The following BEND2 variants were observed in gnomAD, a reference collection of about 807,000 sequenced individuals.
BEND2 encodes BEN domain-containing protein 2.
A neutral mutation model predicts 43.8 loss-of-function variants in BEND2; 19 were observed. That is an observed-to-expected ratio of 0.43 (90% CI 0.30 to 0.64). The LOEUF (loss-of-function observed/expected upper bound fraction) is 0.64. Ranked by LOEUF, BEND2 falls within the 30% of genes least tolerant of loss-of-function variation. BEND2 has a pLI of 0.11. For missense variants in BEND2, 544 were observed against 574.0 expected (o/e 0.95, Z 0.53); for synonymous variants, 226 against 210.1 (o/e 1.08, Z -0.66).
chrX:18,197,814 G>A (rs1031304157), intron 6 of BEND2, among the ~76,000 whole-genome samples: 3 of 111,497 alleles, frequency 2.7e-5, no homozygotes, highest in Non-Finnish European at 5.6e-5. Flanking sequence ...CAGAATTCCC[G>A]CATGTTGTGG....
At chrX:18,186,856 A>G (rs1289843629) in intron 8 of BEND2, among the ~76,000 whole-genome samples, 1 of 108,991 alleles carries the variant, frequency 9.2e-6, no homozygotes, top group Non-Finnish European at 1.9e-5. Context: ...AGTCCAAGCT[A>G]CTTTGGAGGC....
At chrX:18,211,979 C>T (rs1283762836) in intron 4 of BEND2, among the ~76,000 whole-genome samples, 1 of 108,675 alleles carries the variant, frequency 9.2e-6, no homozygotes, top group Non-Finnish European at 1.9e-5. Flanking sequence ...CAAAACTCAT[C>T]TAGGATGGAA....
At chrX:18,178,405 G>A (rs1457322216) in intron 9 of BEND2, among the ~76,000 whole-genome samples, 1 of 110,935 alleles carries the variant, frequency 9.0e-6, no homozygotes, top group Non-Finnish European at 1.9e-5. Flanking sequence ...TATTTGAAAA[G>A]GTCACACTGC....
At chrX:18,200,195 A>G (rs1925095796) in intron 6 of BEND2, among the ~76,000 whole-genome samples, 1 of 111,876 alleles carries the variant, frequency 8.9e-6, no homozygotes, top group South Asian at 3.7e-4. Flanking sequence ...ACTATGAAAT[A>G]TAAATCAAAA....
At chrX:18,177,223 C>G (rs1356667172) in intron 10 of BEND2, among the ~76,000 whole-genome samples, 1 of 63,776 alleles carries the variant, frequency 1.6e-5, no homozygotes, top group African/African-American at 6.2e-5. Flanking sequence ...CCCCCCGCCC[C>G]CCACCCCACC....
Position 18,196,165 on chromosome X carries a change from G to C in BEND2, c.1034-723C>G, listed in dbSNP as rs375897888. On this transcript the variant is annotated intron_variant, in intron 6 of 13. Transcript: ENST00000380033. ...AATACAAAAATTTGCCGGGTGTGGT[G>C]GTGGGTGCCTGTAATCCCAGCTACT... Among the ~76,000 whole-genome samples, 51 of 109,536 alleles carry C rather than the reference G, an allele frequency of 4.7e-4. 1 individual carries two copies. The highest frequency in any genetic ancestry group is 8.4e-4 in the Non-Finnish European group (44 of 52,680).
At chrX:18,188,439 G>A (rs1271611674) in intron 8 of BEND2, among the ~76,000 whole-genome samples, 1 of 111,129 alleles carries the variant, frequency 9.0e-6, no homozygotes, top group East Asian at 2.8e-4. Flanking sequence ...AGATTAAAAA[G>A]GAGACATTAC....
intron 12 of BEND2, among the ~76,000 whole-genome samples, chrX:18,172,777 G>A (rs1367315063): frequency 9.0e-6 from 1 of 110,570 alleles, no homozygotes; most frequent in Non-Finnish European, 1.9e-5. Context: ...AAACCAAAAC[G>A]ACAACAACAG....
chrX:18,200,778 T>C (rs750858785), intron 6 of BEND2, among the ~76,000 whole-genome samples: 1 of 111,696 alleles, frequency 9.0e-6, no homozygotes, highest in Non-Finnish European at 1.9e-5. Context: ...TGAGGCATCA[T>C]TGCAGTGATA....
chrX:18,163,563 A>G lies in BEND2; in HGVS notation c.*1446T>C, dbSNP rs1315365616. 1 of 112,123 alleles carries G rather than the reference A, an allele frequency of 8.9e-6. No homozygotes were observed. Among genetic ancestry groups the G allele is most frequent in the Non-Finnish European group, 1.9e-5 (1 of 53,271 alleles). The allele number at this position is 112,123 out of a possible 1,213,427, so 9.2% of individuals were successfully genotyped here. On this transcript the variant is annotated 3_prime_UTR_variant, in exon 14 of 14. Coordinates refer to ENST00000380033, the MANE Select transcript of BEND2 (RefSeq NM_153346.5). ...GTTCTATCAGACAAGACTGCTCTAA[A>G]TAACTTCTAAAAACCACTAATGTAA...
intron 8 of BEND2, among the ~76,000 whole-genome samples, chrX:18,183,854 C>G (rs1289935877): frequency 4.5e-5 from 5 of 111,405 alleles, no homozygotes; most frequent in Non-Finnish European, 1.9e-5. Context: ...AATAGAGCAC[C>G]AGGTAGATTC....
chrX:18,212,575 T>G lies in BEND2; in HGVS notation c.482A>C (p.Tyr161Ser), dbSNP rs746240965. ...EVDFPKRGRF[Y>S]TPEVQSSISP... ...AACCATAATATCTACCTCTGGAGTATAGAATCTTCCTCTTTTTGGAAAATC... is the reference window on the plus strand; with the variant it reads ...AACCATAATATCTACCTCTGGAGTAGAGAATCTTCCTCTTTTTGGAAAATC... Residue 161 changes from tyrosine to serine, a missense_variant, in exon 4 of 14, where the codon TAT becomes TCT. Coordinates refer to ENST00000380033, the MANE Select transcript of BEND2 (RefSeq NM_153346.5). The G allele has an allele frequency of 5.1e-6, 6 of 1,173,181 alleles. No homozygotes were observed. The African/African-American group carries it at 1.1e-4, about 21-fold the overall frequency.
At chrX:18,207,768 C>G (rs1194776640) in intron 4 of BEND2, among the ~76,000 whole-genome samples, 4 of 112,505 alleles carry the variant, frequency 3.6e-5, no homozygotes, top group Non-Finnish European at 7.5e-5. Context: ...CCTGTAAGCC[C>G]AGCACTTTGG....
At chrX:18,215,753 T>G (rs1339414214) in intron 2 of BEND2, among the ~76,000 whole-genome samples, 1 of 112,150 alleles carries the variant, frequency 8.9e-6, no homozygotes, top group Non-Finnish European at 1.9e-5. Flanking sequence ...CAGAAAAAAT[T>G]TGCCAGTCTC....
intron 10 of BEND2, among the ~76,000 whole-genome samples, chrX:18,176,495 A>G (rs1602027982): frequency 9.1e-6 from 1 of 109,533 alleles, no homozygotes; most frequent in Non-Finnish European, 1.9e-5. Context: ...CTTGGGCAGC[A>G]AAGTGAGACC....
chrX:18,189,199 CAAAA>C (rs34280162), intron 8 of BEND2, among the ~76,000 whole-genome samples: 10 of 72,791 alleles, frequency 1.4e-4, no homozygotes, highest in African/African-American at 3.6e-4. Flanking sequence ...GAATCCATCT[CAAAA>C]AAAAAAAAAA....
At chrX:18,171,784 T>C (rs1385161447) in intron 12 of BEND2, among the ~76,000 whole-genome samples, 3 of 112,164 alleles carry the variant, frequency 2.7e-5, no homozygotes, top group Non-Finnish European at 5.6e-5. Context: ...AGTTTTAAAA[T>C]TACATTTAGT....
At chrX:18,212,797 G>A (rs1925555831) in intron 3 of BEND2, 117 bp from the exon 4 acceptor site, 2 of 465,063 alleles carry the variant, frequency 4.3e-6, no homozygotes, top group South Asian at 9.1e-5. Context: ...GAATTTTAGA[G>A]TGACAAAACA....
At chrX:18,193,506 A>C (rs1347393011) in intron 7 of BEND2, among the ~76,000 whole-genome samples, 1 of 111,456 alleles carries the variant, frequency 9.0e-6, no homozygotes, top group Non-Finnish European at 1.9e-5. Flanking sequence ...TCTCAATAAG[A>C]TGTGTGGATA....
Sources: allele counts gnomAD v4.1 joint callset (sites outside exome capture counted in the v4.1 genomes callset), GRCh38; gene constraint gnomAD v4.1.1; transcripts MANE v1.5; gene names NCBI Gene and HGNC (gene_info 2026-07-23, HGNC 2026-07-21).